The following PRKACB variants were observed in gnomAD, a reference collection of about 807,000 sequenced individuals.
PRKACB encodes cAMP-dependent protein kinase catalytic subunit beta.
A neutral mutation model predicts 51.4 loss-of-function variants in PRKACB; 16 were observed. The ratio of observed to expected loss-of-function variants is 0.31; its 90% CI spans 0.21 to 0.47. PRKACB has a LOEUF of 0.47. Among genes scored for constraint, PRKACB ranks in the 20% least tolerant of loss-of-function variants. The pLI, the probability that PRKACB is intolerant of heterozygous loss-of-function variation, is 1.00. For missense variants in PRKACB, 309 were observed against 464.5 expected, an observed-to-expected ratio of 0.67 and a Z score of 3.08; for synonymous variants, 147 against 154.4, an observed-to-expected ratio of 0.95 and a Z score of 0.35.
chr1:84,178,145 A>G (rs1661982156), intron 1 of PRKACB, among the ~76,000 whole-genome samples: 1 of 152,042 alleles, frequency 6.6e-6, no homozygotes, highest in Non-Finnish European at 1.5e-5. Flanking sequence ...TTGGTATGAC[A>G]TTTATAAAGG....
At chr1:84,111,072 C>T (rs192502633) in intron 1 of PRKACB, among the ~76,000 whole-genome samples, 12 of 152,054 alleles carry the variant, frequency 7.9e-5, no homozygotes, top group Admixed American at 1.3e-4. Context: ...TTTCCCTAGT[C>T]GATCTTCCAA....
intron 7 of PRKACB, 28 bp from the exon 8 acceptor site, chr1:84,202,655 A>C: frequency 6.4e-7 from 1 of 1,567,654 alleles, no homozygotes; most frequent in Non-Finnish European, 8.6e-7. Context: ...CTTAAGTAAC[A>C]ATTGACATTG....
intron 1 of PRKACB, among the ~76,000 whole-genome samples, chr1:84,166,193 G>A (rs934038756): frequency 2.6e-5 from 4 of 151,638 alleles, no homozygotes; most frequent in African/African-American, 9.7e-5. Flanking sequence ...TACTGAAATA[G>A]ATCTGTTTTA....
At chr1:84,195,642 G>A (rs1668000082) in intron 5 of PRKACB, among the ~76,000 whole-genome samples, 1 of 152,170 alleles carries the variant, frequency 6.6e-6, no homozygotes, top group Non-Finnish European at 1.5e-5. Flanking sequence ...GCTGGGTGCG[G>A]TGGCTGACTC....
chr1:84,157,766 T>A (rs936164533), intron 1 of PRKACB, among the ~76,000 whole-genome samples: 1 of 152,222 alleles, frequency 6.6e-6, no homozygotes, highest in African/African-American at 2.4e-5. Context: ...TACTATGTTG[T>A]ATGGATATAA....
intron 1 of PRKACB, among the ~76,000 whole-genome samples, chr1:84,148,283 T>C (rs1012674053): frequency 6.6e-6 from 1 of 152,154 alleles, no homozygotes; most frequent in Non-Finnish European, 1.5e-5. Context: ...TCATCTATCC[T>C]TCATCCTTCT....
chr1:84,226,435 C>A (rs1674619546), intron 9 of PRKACB, among the ~76,000 whole-genome samples: 1 of 151,884 alleles, frequency 6.6e-6, no homozygotes, highest in Non-Finnish European at 1.5e-5. Context: ...TTAGAGAACC[C>A]CCCTTCCTCC....
At chr1:84,189,031 C>T (rs1429491890) in intron 5 of PRKACB, among the ~76,000 whole-genome samples, 1 of 151,802 alleles carries the variant, frequency 6.6e-6, no homozygotes, top group African/African-American at 2.4e-5. Context: ...ATAAAGACAA[C>T]ATAGGATATT....
chr1:84,183,616 T>C (rs1664230935), intron 3 of PRKACB, among the ~76,000 whole-genome samples: 1 of 151,894 alleles, frequency 6.6e-6, no homozygotes. Flanking sequence ...AGCCAGCTTT[T>C]ATAGAGGACT....
At chr1:84,118,415 A>G (rs1404818918) in intron 1 of PRKACB, among the ~76,000 whole-genome samples, 2 of 152,164 alleles carry the variant, frequency 1.3e-5, no homozygotes, top group Non-Finnish European at 2.9e-5. Context: ...AATTTTCTAA[A>G]TAGATAATAG....
At chr1:84,093,598 T>A (rs1000974229) in intron 1 of PRKACB, among the ~76,000 whole-genome samples, 1 of 152,032 alleles carries the variant, frequency 6.6e-6, no homozygotes, top group Non-Finnish European at 1.5e-5. Context: ...TCTTTATTTT[T>A]AAATCAGCTT....
chr1:84,228,859 A>G (rs2101676510), intron 9 of PRKACB, among the ~76,000 whole-genome samples: 1 of 152,306 alleles, frequency 6.6e-6, no homozygotes, highest in East Asian at 1.9e-4. Flanking sequence ...GGAACTAAAA[A>G]TTAAGACTGA....
chr1:84,179,165 G>A lies in PRKACB; in HGVS notation c.188-12G>A, dbSNP rs745972980. ...TTACAAGATAAATTTGTTTTTATAT[G>A]TATATTTTCAGTGAAAGAGTTTCTA... On this transcript the variant is annotated splice_polypyrimidine_tract_variant and intron_variant, in intron 1 of 9. Transcript: ENST00000370685. 2.5e-6 allele frequency: 4 copies of A among 1,581,122 alleles called. No homozygotes were observed. Among genetic ancestry groups the A allele is most frequent in the Non-Finnish European group, 3.4e-6 (4 of 1,163,062 alleles).
chr1:84,123,164 T>C (rs1048623136), intron 1 of PRKACB, among the ~76,000 whole-genome samples: 3 of 152,164 alleles, frequency 2.0e-5, no homozygotes, highest in African/African-American at 7.2e-5. Flanking sequence ...TTCTAAAATG[T>C]GTTAGAATTT....
At chr1:84,134,683 G>C (rs187650497) in intron 1 of PRKACB, among the ~76,000 whole-genome samples, 1 of 152,258 alleles carries the variant, frequency 6.6e-6, no homozygotes. Flanking sequence ...GGGGAAGAAA[G>C]AATAAAGTCA....
chr1:84,173,230 C>G lies in PRKACB; in HGVS notation c.188-5947C>G, dbSNP rs998771994. 5.4e-6 allele frequency: 4 copies of G among 734,596 alleles called. No individual in the cohort carries two copies. In the African/African-American group the frequency reaches 5.5e-5, roughly 10 times the overall value. The allele number at this position is 734,596 out of a possible 1,614,324, so 45.5% of individuals were successfully genotyped here. ...GTTCAATTGTTTTATCATTCTATTT[C>G]TATGTGCAGTACAGTAGTGAACATG... On this transcript the variant is annotated intron_variant, in intron 1 of 9. Transcript: ENST00000370685.
chr1:84,178,333 T>C (rs111926461), intron 1 of PRKACB, among the ~76,000 whole-genome samples: 4 of 152,056 alleles, frequency 2.6e-5, no homozygotes, highest in African/African-American at 9.7e-5. Context: ...TGGAATATTT[T>C]TCCTATTTGT....
intron 1 of PRKACB, among the ~76,000 whole-genome samples, chr1:84,120,494 A>G (rs1650972252): frequency 6.6e-6 from 1 of 152,076 alleles, no homozygotes; most frequent in Non-Finnish European, 1.5e-5. Context: ...TACTGTATCA[A>G]TATTTTTGAT....
At chr1:84,084,217 A>T (rs1647784578) in intron 1 of PRKACB, among the ~76,000 whole-genome samples, 1 of 149,172 alleles carries the variant, frequency 6.7e-6, no homozygotes, top group South Asian at 2.1e-4. Flanking sequence ...GAGTAGACCG[A>T]GCATTGATAA....
Sources: gnomAD v4.1 joint callset for allele counts (sites outside exome capture counted in the v4.1 genomes callset) on GRCh38, gnomAD v4.1.1 for gene constraint, MANE v1.5 for transcripts, NCBI Gene and HGNC (gene_info 2026-07-23, HGNC 2026-07-21) for gene names.